The following CREB1 variants were observed in gnomAD, a reference collection of about 807,000 sequenced individuals.
CREB1 encodes cyclic AMP-responsive element-binding protein 1.
A neutral mutation model predicts 42.0 loss-of-function variants in CREB1; 2 were observed. That is an observed-to-expected ratio of 0.05 (90% CI 0.02 to 0.15). CREB1 has a LOEUF of 0.15. Ranked by LOEUF, CREB1 falls within the 10% of genes least tolerant of loss-of-function variation. CREB1 has a pLI of 1.00. For missense variants in CREB1, 199 were observed against 388.9 expected (o/e 0.51, Z 4.11); for synonymous variants, 123 against 139.9 (o/e 0.88, Z 0.85).
chr2:207,570,787 G>A (rs1559044156), intron 5 of CREB1, among the ~76,000 whole-genome samples: 1 of 152,090 alleles, frequency 6.6e-6, no homozygotes. Flanking sequence ...GCTTGGTTGA[G>A]TCAGCACATT....
chr2:207,548,699 C>A (rs950228231), intron 1 of CREB1, among the ~76,000 whole-genome samples: 2 of 151,986 alleles, frequency 1.3e-5, no homozygotes, highest in African/African-American at 4.8e-5. Context: ...TGCAGTGAGC[C>A]GAGATCACTC....
At chr2:207,572,684 C>T (rs867685618) in intron 5 of CREB1, among the ~76,000 whole-genome samples, 4 of 152,072 alleles carry the variant, frequency 2.6e-5, no homozygotes, top group South Asian at 2.1e-4. Flanking sequence ...AGCGAGGTGG[C>T]GGGCACCTGT....
At chr2:207,542,045 A>C (rs995047886) in intron 1 of CREB1, among the ~76,000 whole-genome samples, 1 of 152,250 alleles carries the variant, frequency 6.6e-6, no homozygotes, top group East Asian at 1.9e-4. Flanking sequence ...TTGCCATAAT[A>C]GTCCATTTTA....
chr2:207,535,693 G>T (rs2080840561), intron 1 of CREB1, among the ~76,000 whole-genome samples: 1 of 151,628 alleles, frequency 6.6e-6, no homozygotes, highest in South Asian at 2.1e-4. Context: ...TGGTCAACCA[G>T]TTGGACCAAG....
chr2:207,544,655 A>G (rs2081230584), intron 1 of CREB1, among the ~76,000 whole-genome samples: 1 of 152,106 alleles, frequency 6.6e-6, no homozygotes, highest in South Asian at 2.1e-4. Context: ...ACATCATCCC[A>G]TCACCCAGGT....
At chr2:207,565,933 A>G (rs907199881) in intron 3 of CREB1, among the ~76,000 whole-genome samples, 1 of 152,196 alleles carries the variant, frequency 6.6e-6, no homozygotes, top group Non-Finnish European at 1.5e-5. Flanking sequence ...TACAGCAGCT[A>G]CTGATTAACG....
intron 1 of CREB1, among the ~76,000 whole-genome samples, chr2:207,536,811 G>GA (rs2080891909): frequency 6.6e-6 from 1 of 151,872 alleles, no homozygotes; most frequent in Admixed American, 6.6e-5. Flanking sequence ...CCAAGATGGT[G>GA]AAACCCCATC....
In CREB1 at chr2:207,563,845, A is replaced by G. The variant is rs574938911; in HGVS notation, c.261+3473A>G. Among the ~76,000 whole-genome samples, 32 of 152,134 alleles carry G rather than the reference A, an allele frequency of 2.1e-4. No individual in the cohort carries two copies. In the South Asian group the frequency reaches 6.2e-3, roughly 30 times the overall value. On this transcript the variant is annotated intron_variant, in intron 3 of 7. Coordinates refer to ENST00000353267, the MANE Select transcript of CREB1 (RefSeq NM_004379.5). ...TATAGTCCCAGCTACTCGGGAGGCT[A>G]AGGCACGAGAATCACTTGAACCCTG...
At chr2:207,573,219 T>C (rs532591365) in intron 5 of CREB1, among the ~76,000 whole-genome samples, 1 of 152,378 alleles carries the variant, frequency 6.6e-6, no homozygotes, top group South Asian at 2.1e-4. Context: ...TTTTTATTTT[T>C]GTTTTAATGA....
At chr2:207,557,787 A>T (rs993217767) in intron 2 of CREB1, among the ~76,000 whole-genome samples, 1 of 152,186 alleles carries the variant, frequency 6.6e-6, no homozygotes, top group African/African-American at 2.4e-5. Context: ...TTTATTTTTT[A>T]TATCTGTATT....
At chr2:207,541,841 A>G (rs1349712143) in intron 1 of CREB1, among the ~76,000 whole-genome samples, 1 of 152,170 alleles carries the variant, frequency 6.6e-6, no homozygotes. Flanking sequence ...CCTCTCAGCC[A>G]TCACCTCTTA....
chr2:207,593,080 G>A (rs2085394713), intron 7 of CREB1, among the ~76,000 whole-genome samples: 1 of 152,136 alleles, frequency 6.6e-6, no homozygotes, highest in African/African-American at 2.4e-5. Flanking sequence ...AGCTGTGTCA[G>A]TTTTACTTAC....
chr2:207,535,152 AAAAT>A (rs1376842033), intron 1 of CREB1, among the ~76,000 whole-genome samples: 4 of 152,230 alleles, frequency 2.6e-5, no homozygotes, highest in African/African-American at 7.2e-5. Flanking sequence ...ATTTGAATGA[AAAAT>A]AAATAGTTTG....
intron 7 of CREB1, among the ~76,000 whole-genome samples, chr2:207,584,716 T>C (rs535484319): frequency 1.3e-5 from 2 of 152,212 alleles, no homozygotes; most frequent in South Asian, 2.1e-4. Context: ...TTAGTGACTT[T>C]TATGTGATTT....
intron 1 of CREB1, among the ~76,000 whole-genome samples, chr2:207,537,762 G>A (rs1347418346): frequency 6.6e-6 from 1 of 152,070 alleles, no homozygotes; most frequent in Non-Finnish European, 1.5e-5. Flanking sequence ...CTTATCTACT[G>A]GGTTTTTTTG....
chr2:207,566,482 T>C (rs1025036665), intron 3 of CREB1, among the ~76,000 whole-genome samples: 3 of 152,190 alleles, frequency 2.0e-5, no homozygotes, highest in African/African-American at 7.2e-5. Context: ...CTTAGGTAAG[T>C]GAACTCTTCT....
intron 1 of CREB1, among the ~76,000 whole-genome samples, chr2:207,551,350 G>C (rs182628881): frequency 3.3e-5 from 5 of 152,244 alleles, no homozygotes; most frequent in African/African-American, 1.2e-4. Context: ...GATAAATTTC[G>C]TGAGGCTAGG....
chr2:207,575,772 A>G (rs556020343), intron 6 of CREB1, among the ~76,000 whole-genome samples: 2 of 152,270 alleles, frequency 1.3e-5, no homozygotes, highest in East Asian at 1.9e-4. Context: ...ATCTAACTGC[A>G]TGGATCTGCT....
chr2:207,547,186 A>C (rs1202244227), intron 1 of CREB1, among the ~76,000 whole-genome samples: 1 of 152,234 alleles, frequency 6.6e-6, no homozygotes, highest in East Asian at 1.9e-4. Context: ...TAATTCACCA[A>C]GAATAACATT....
Sources: gnomAD v4.1 joint callset for allele counts (sites outside exome capture counted in the v4.1 genomes callset) on GRCh38, gnomAD v4.1.1 for gene constraint, MANE v1.5 for transcripts, NCBI Gene and HGNC (gene_info 2026-07-23, HGNC 2026-07-21) for gene names.